Variants in PPP3CA observed in about 807,000 individuals in gnomAD.
The protein encoded by PPP3CA is protein phosphatase 3 catalytic subunit alpha.
In PPP3CA, 14 loss-of-function variants were observed where a neutral mutation model predicts 66.5. That is an observed-to-expected ratio of 0.21 (90% CI 0.14 to 0.33). The LOEUF (loss-of-function observed/expected upper bound fraction) is 0.33. Ranked by LOEUF, PPP3CA falls within the 10% of genes least tolerant of loss-of-function variation. The pLI is 1.00. For synonymous variants in PPP3CA, 232 were observed against 226.2 expected (o/e 1.03, Z -0.23); for missense variants, 317 against 639.5 (o/e 0.50, Z 5.44).
chr4:101,172,382 T>C (rs1040249245), intron 2 of PPP3CA, among the ~76,000 whole-genome samples: 2 of 152,192 alleles, frequency 1.3e-5, no homozygotes, highest in African/African-American at 4.8e-5. Context: ...TTCACTGATA[T>C]ATTCCAAAAA....
At chr4:101,289,081 C>T (rs1357612618) in intron 1 of PPP3CA, among the ~76,000 whole-genome samples, 1 of 152,114 alleles carries the variant, frequency 6.6e-6, no homozygotes, top group Non-Finnish European at 1.5e-5. Flanking sequence ...GGTCTGCTAT[C>T]TTTTATAAAC....
At chr4:101,060,388 A>G (rs909228661) in intron 10 of PPP3CA, among the ~76,000 whole-genome samples, 1 of 152,150 alleles carries the variant, frequency 6.6e-6, no homozygotes, top group Non-Finnish European at 1.5e-5. Flanking sequence ...TAAATGCAGT[A>G]AAGTTTGCTC....
intron 1 of PPP3CA, among the ~76,000 whole-genome samples, chr4:101,303,615 C>A (rs1728447144): frequency 6.6e-6 from 1 of 152,092 alleles, no homozygotes. Flanking sequence ...ACATCTTTAA[C>A]AATTAACTTA....
chr4:101,316,226 A>T (rs1269091593), intron 1 of PPP3CA, among the ~76,000 whole-genome samples: 1 of 151,060 alleles, frequency 6.6e-6, no homozygotes, highest in Non-Finnish European at 1.5e-5. Context: ...AAAAATGAGT[A>T]TTTGGAGGCA....
At chr4:101,276,104 A>C (rs2110271960) in intron 1 of PPP3CA, among the ~76,000 whole-genome samples, 1 of 152,158 alleles carries the variant, frequency 6.6e-6, no homozygotes, top group East Asian at 1.9e-4. Context: ...TATGTTTCCC[A>C]GGCTGGTCCC....
intron 10 of PPP3CA, among the ~76,000 whole-genome samples, chr4:101,057,424 G>C (rs1324126807): frequency 6.6e-6 from 1 of 152,158 alleles, no homozygotes; most frequent in Non-Finnish European, 1.5e-5. Context: ...AAATTTATGA[G>C]ATATGAACTA....
intron 10 of PPP3CA, among the ~76,000 whole-genome samples, chr4:101,058,381 T>C (rs888184263): frequency 6.6e-6 from 1 of 152,146 alleles, no homozygotes; most frequent in African/African-American, 2.4e-5. Context: ...AATGGACCAC[T>C]GAAGGAAGTT....
chr4:101,324,212 G>GGAAGGAAC, intron 1 of PPP3CA, among the ~76,000 whole-genome samples: 1 of 143,894 alleles, frequency 6.9e-6, no homozygotes, highest in African/African-American at 2.6e-5. Context: ...AAGGAAGGAA[G>GGAAGGAAC]GAAGGAAGGA....
chr4:101,065,087 T>C (rs2110227901), intron 8 of PPP3CA, among the ~76,000 whole-genome samples: 1 of 152,142 alleles, frequency 6.6e-6, no homozygotes, highest in African/African-American at 2.4e-5. Context: ...AATTCCTGCA[T>C]ATATTTCTGT....
At chr4:101,282,771 C>G (rs561715544) in intron 1 of PPP3CA, among the ~76,000 whole-genome samples, 1 of 152,252 alleles carries the variant, frequency 6.6e-6, no homozygotes, top group Non-Finnish European at 1.5e-5. Flanking sequence ...CACCTCGCAC[C>G]ACAGAAACAT....
intron 2 of PPP3CA, among the ~76,000 whole-genome samples, chr4:101,154,157 T>C (rs779065984): frequency 7.2e-5 from 11 of 152,138 alleles, no homozygotes; most frequent in Non-Finnish European, 1.5e-4. Flanking sequence ...AAGAAGAAAA[T>C]AGTTCTATCC....
chr4:101,291,244 T>C (rs570896867), intron 1 of PPP3CA, among the ~76,000 whole-genome samples: 17 of 152,254 alleles, frequency 1.1e-4, no homozygotes, highest in African/African-American at 3.4e-4. Flanking sequence ...CTAATAGGAG[T>C]AATCTTTGGG....
At chr4:101,342,039 G>A (rs1182105307) in intron 1 of PPP3CA, among the ~76,000 whole-genome samples, 1 of 152,032 alleles carries the variant, frequency 6.6e-6, no homozygotes, top group Non-Finnish European at 1.5e-5. Flanking sequence ...AAGCATGAGA[G>A]GCCAATTACA....
chr4:101,200,880 T>C (rs1416743009), intron 1 of PPP3CA, among the ~76,000 whole-genome samples: 2 of 152,162 alleles, frequency 1.3e-5, no homozygotes, highest in Non-Finnish European at 2.9e-5. Flanking sequence ...GGTCTCCTGA[T>C]TTCGATTCCA....
chr4:101,307,043 T>C (rs1173110993), intron 1 of PPP3CA, among the ~76,000 whole-genome samples: 1 of 152,068 alleles, frequency 6.6e-6, no homozygotes, highest in African/African-American at 2.4e-5. Flanking sequence ...CTACTGGTGG[T>C]ATTGTAGGTG....
At chr4:101,330,514 T>C (rs1729350193) in intron 1 of PPP3CA, 1 of 487,676 alleles carries the variant, frequency 2.1e-6, no homozygotes, top group Non-Finnish European at 4.2e-6. Context: ...GTGAAGTATG[T>C]ACATTGCTTT....
intron 2 of PPP3CA, among the ~76,000 whole-genome samples, chr4:101,151,850 G>A (rs1313959328): frequency 6.6e-6 from 1 of 151,532 alleles, no homozygotes; most frequent in African/African-American, 2.4e-5. Context: ...TAGAGACGGG[G>A]TTTCACCATG....
chr4:101,277,249 C>G (rs1414343923), intron 1 of PPP3CA, among the ~76,000 whole-genome samples: 1 of 152,046 alleles, frequency 6.6e-6, no homozygotes, highest in Non-Finnish European at 1.5e-5. Context: ...TTCTTTATAT[C>G]TCTGAATAAT....
chr4:101,235,431 T>TCACACACACACACA lies in PPP3CA; in HGVS notation c.59-39329_59-39316dup, dbSNP rs57851713. 3.0e-3 allele frequency among the ~76,000 whole-genome samples: 443 copies of TCACACACACACACA among 148,260 alleles called. 1 individual carries two copies. The highest frequency in any genetic ancestry group is 5.4e-3 in the Non-Finnish European group (359 of 66,312). On this transcript the variant is annotated intron_variant, in intron 1 of 13. Transcript: ENST00000394854. The stretch of plus-strand genomic sequence containing the variant: ...ACAATATCAGAACCTAAACATACAC[T>TCACACACACACACA]CACACACACACACACACACACACAG...
Sources: allele counts gnomAD v4.1 joint callset (sites outside exome capture counted in the v4.1 genomes callset), GRCh38; gene constraint gnomAD v4.1.1; transcripts MANE v1.5; gene names NCBI Gene and HGNC (gene_info 2026-07-23, HGNC 2026-07-21).